Variants in KCNH7 observed in about 807,000 individuals in gnomAD.
The protein encoded by KCNH7 is potassium voltage-gated channel subfamily H member 7, also known as voltage-gated inwardly rectifying potassium channel KCNH7.
In KCNH7, 49 loss-of-function variants were observed where a neutral mutation model predicts 120.8. The ratio of observed to expected loss-of-function variants is 0.41; its 90% confidence interval spans 0.32 to 0.51. KCNH7 has a LOEUF of 0.51. Among genes scored for constraint, KCNH7 ranks in the 20% least tolerant of loss-of-function variants. KCNH7 has a pLI of 0.38. For synonymous variants in KCNH7, 547 were observed against 516.1 expected, an observed-to-expected ratio of 1.06 and a Z score of -0.81; for missense variants, 1,097 against 1,446.6, an observed-to-expected ratio of 0.76 and a Z score of 3.92.
At chr2:162,563,305 C>A (rs548917967) in intron 2 of KCNH7, among the ~76,000 whole-genome samples, 9 of 152,234 alleles carry the variant, frequency 5.9e-5, no homozygotes, top group Admixed American at 5.2e-4. Context: ...TAGATCGTAC[C>A]ATTTAGTAAG....
intron 5 of KCNH7, among the ~76,000 whole-genome samples, chr2:162,509,971 G>A (rs1691013131): frequency 6.6e-6 from 1 of 151,570 alleles, no homozygotes; most frequent in African/African-American, 2.4e-5. Flanking sequence ...AGTAGAGAAA[G>A]TGAGGTAGAT....
chr2:162,569,341 T>C (rs1268739476), intron 2 of KCNH7, among the ~76,000 whole-genome samples: 1 of 151,884 alleles, frequency 6.6e-6, no homozygotes, highest in Non-Finnish European at 1.5e-5. Flanking sequence ...TATTCTCTGA[T>C]GGTAGTTTGT....
At chr2:162,655,395 A>C (rs532901450) in intron 2 of KCNH7, among the ~76,000 whole-genome samples, 2 of 152,352 alleles carry the variant, frequency 1.3e-5, no homozygotes, top group Admixed American at 1.3e-4. Context: ...AGACAGATCA[A>C]GGTTTTAATC....
At chr2:162,738,240 G>A (rs1328013133) in intron 2 of KCNH7, among the ~76,000 whole-genome samples, 1 of 152,052 alleles carries the variant, frequency 6.6e-6, no homozygotes, top group African/African-American at 2.4e-5. Context: ...ATATATGTGT[G>A]TATGTATATA....
intron 6 of KCNH7, chr2:162,502,292 A>T (rs1196002395): frequency 6.6e-6 from 1 of 152,058 alleles, no homozygotes; most frequent in African/African-American, 2.4e-5. Context: ...GGATAAAGAG[A>T]TCCTGCAGAG....
chr2:162,631,411 G>A (rs952222226), intron 2 of KCNH7, among the ~76,000 whole-genome samples: 2 of 151,868 alleles, frequency 1.3e-5, no homozygotes, highest in Admixed American at 6.6e-5. Flanking sequence ...GTTAAGACAT[G>A]GTAAAAATTT....
intron 3 of KCNH7, among the ~76,000 whole-genome samples, chr2:162,534,629 C>T (rs1051547030): frequency 6.6e-6 from 1 of 151,366 alleles, no homozygotes; most frequent in African/African-American, 2.4e-5. Flanking sequence ...AAACAATTAC[C>T]ACAAATAAGT....
chr2:162,703,924 C>T (rs903130318), intron 2 of KCNH7, among the ~76,000 whole-genome samples: 2 of 151,970 alleles, frequency 1.3e-5, no homozygotes, highest in African/African-American at 4.8e-5. Flanking sequence ...GCCAACTGTT[C>T]AAAAATTATA....
intron 6 of KCNH7, among the ~76,000 whole-genome samples, chr2:162,501,411 G>T (rs76208493): frequency 0.021 from 3,143 of 152,072 alleles, 250 homozygotes; most frequent in Admixed American, 0.15. Context: ...AGTGGGAGGG[G>T]GATACTCCAC....
chr2:162,460,956 A>C (rs1372844600), intron 6 of KCNH7, among the ~76,000 whole-genome samples: 1 of 152,176 alleles, frequency 6.6e-6, no homozygotes, highest in African/African-American at 2.4e-5. Flanking sequence ...TATTATTTCC[A>C]GGAGAAAAAG....
At chr2:162,484,028 T>C (rs1423889172) in intron 6 of KCNH7, among the ~76,000 whole-genome samples, 1 of 152,116 alleles carries the variant, frequency 6.6e-6, no homozygotes, top group Non-Finnish European at 1.5e-5. Flanking sequence ...GGTTCCAGTC[T>C]TGGGTGTGCA....
chr2:162,575,718 A>G (rs1370910948), intron 2 of KCNH7, among the ~76,000 whole-genome samples: 2 of 152,108 alleles, frequency 1.3e-5, no homozygotes, highest in African/African-American at 4.8e-5. Flanking sequence ...TTCTGCATGT[A>G]ACTGCATTGC....
chr2:162,452,028 T>C lies in KCNH7; in HGVS notation c.1129-5585A>G, dbSNP rs536794016. On this transcript the variant is annotated intron_variant, in intron 6 of 15. Coordinates refer to ENST00000332142, the MANE Select transcript of KCNH7 (RefSeq NM_033272.4). The stretch of plus-strand genomic sequence containing the variant: ...AGAAATTATTGACAATTATTGTTTG[T>C]AGATACGGAAATGATATTATAGTTA... Among the ~76,000 whole-genome samples, 17 of 152,230 alleles carry C rather than the reference T, an allele frequency of 1.1e-4. No homozygotes were observed. The South Asian group carries it at 3.5e-3, about 32-fold the overall frequency.
chr2:162,421,657 G>A (rs1355892539), intron 9 of KCNH7, among the ~76,000 whole-genome samples: 1 of 152,182 alleles, frequency 6.6e-6, no homozygotes, highest in African/African-American at 2.4e-5. Flanking sequence ...TTATTAAGGT[G>A]TGAAGCAGAC....
At chr2:162,694,797 G>T (rs1686232116) in intron 2 of KCNH7, among the ~76,000 whole-genome samples, 1 of 151,640 alleles carries the variant, frequency 6.6e-6, no homozygotes, top group Non-Finnish European at 1.5e-5. Flanking sequence ...AGGCTGGAGT[G>T]CAGTGGCGTG....
chr2:162,659,178 T>G (rs1011549674), intron 2 of KCNH7, among the ~76,000 whole-genome samples: 1 of 152,208 alleles, frequency 6.6e-6, no homozygotes, highest in Non-Finnish European at 1.5e-5. Flanking sequence ...CATGAGCAAG[T>G]GATAGATTTT....
intron 12 of KCNH7, among the ~76,000 whole-genome samples, chr2:162,391,072 C>A (rs1422582276): frequency 6.6e-6 from 1 of 151,968 alleles, no homozygotes; most frequent in Non-Finnish European, 1.5e-5. Context: ...CCTCTGTCTG[C>A]TGCTAGTGCC....
chr2:162,666,447 A>G (rs1685136173), intron 2 of KCNH7, among the ~76,000 whole-genome samples: 2 of 148,840 alleles, frequency 1.3e-5, no homozygotes, highest in South Asian at 4.2e-4. Context: ...GTGTCCTTCT[A>G]TCTTCAAACT....
chr2:162,835,657 T>C (rs911052315), intron 2 of KCNH7, among the ~76,000 whole-genome samples: 9 of 144,542 alleles, frequency 6.2e-5, no homozygotes, highest in African/African-American at 2.3e-4. Flanking sequence ...TATTCAGGAA[T>C]ATATATCTAT....
Sources: gnomAD v4.1 joint callset for allele counts (sites outside exome capture counted in the v4.1 genomes callset) on GRCh38, gnomAD v4.1.1 for gene constraint, MANE v1.5 for transcripts, NCBI Gene and HGNC (gene_info 2026-07-23, HGNC 2026-07-21) for gene names.